NCR3LG1: variants seen among roughly 807,000 people sequenced by gnomAD.
The protein encoded by NCR3LG1 is natural cytotoxicity triggering receptor 3 ligand 1.
A neutral mutation model predicts 34.8 loss-of-function variants in NCR3LG1; 35 were observed. The observed-to-expected ratio is 1.01, with a 90% CI of 0.77 to 1.33. The LOEUF (loss-of-function observed/expected upper bound fraction) is 1.33, where lower values mean the gene tolerates loss of function less well. Among genes scored for constraint, NCR3LG1 ranks in the 40% most tolerant of loss-of-function variants. The pLI, the probability that NCR3LG1 is intolerant of heterozygous loss-of-function variation, is 0.00. For synonymous variants in NCR3LG1, 173 were observed against 163.6 expected (o/e 1.06, Z -0.44); for missense variants, 452 against 423.3 (o/e 1.07, Z -0.60).
At chr11:17,370,410 G>C (rs1467534031) in intron 4 of NCR3LG1, among the ~76,000 whole-genome samples, 7 of 152,214 alleles carry the variant, frequency 4.6e-5, no homozygotes, top group Non-Finnish European at 1.0e-4. Context: ...GGAAGGGTGA[G>C]TAGGAGCGGA....
chr11:17,356,021 G>A lies in NCR3LG1; in HGVS notation c.71-630G>A, dbSNP rs549537065. On this transcript the variant is annotated intron_variant, in intron 1 of 4. Transcript: ENST00000338965. ...CCATTATATTGCCTAGTCTGGTCTGGAACACCTGGGCTCAAACGATCCTCT... is the reference window on the plus strand; with the variant it reads ...CCATTATATTGCCTAGTCTGGTCTGAAACACCTGGGCTCAAACGATCCTCT... 2.0e-5 allele frequency among the ~76,000 whole-genome samples: 3 copies of A among 152,066 alleles called. No homozygotes were observed. The East Asian group carries it at 5.8e-4, about 29-fold the overall frequency.
At chr11:17,365,784 G>A (rs1953338830) in intron 2 of NCR3LG1, among the ~76,000 whole-genome samples, 1 of 152,182 alleles carries the variant, frequency 6.6e-6, no homozygotes, top group East Asian at 1.9e-4. Flanking sequence ...AGTGTGGTAA[G>A]CATCCCTAAG....
At position 17,352,020 on chromosome 11, in the gene NCR3LG1, G is replaced by C. The variant is rs750374539; in HGVS notation, c.51G>C (p.Leu17=). Reference sequence around the variant, plus strand: ...CGTGCGCGGCGCTCCTGATTCTGCTGTGGGCGCTGACGACCGAAGGTAGGG... The same window carrying C: ...CGTGCGCGGCGCTCCTGATTCTGCTCTGGGCGCTGACGACCGAAGGTAGGG... ...ASTCAALLIL[L]WALTTEGDLK... Residue 17 remains leucine (L), a synonymous_variant, in exon 1 of 5, where the codon CTG becomes CTC. Transcript: ENST00000338965. The C allele has an allele frequency of 2.0e-6, 3 of 1,520,214 alleles. No homozygotes were observed. The highest frequency in any genetic ancestry group is 2.4e-5 in the South Asian group (2 of 83,480). The allele number at this position is 1,520,214 out of a possible 1,614,324, so 94.2% of individuals were successfully genotyped here. A position where few individuals can be genotyped will look rare whatever the true frequency, so the allele number is the denominator to read the frequency against.
intron 1 of NCR3LG1, among the ~76,000 whole-genome samples, chr11:17,354,545 C>CTTTTTTTTTTTTTTTTT (rs71047545): frequency 1.4e-5 from 1 of 70,294 alleles, no homozygotes; most frequent in African/African-American, 3.8e-5. Flanking sequence ...AATTCTTCTT[C>CTTTTTTTTTTTTTTTTT]TTTTTTTTTT....
intron 1 of NCR3LG1, among the ~76,000 whole-genome samples, chr11:17,354,265 C>A (rs1008992875): frequency 7.9e-5 from 12 of 152,214 alleles, no homozygotes; most frequent in Non-Finnish European, 1.6e-4. Context: ...AACAAGACTG[C>A]AGAAAATTCC....
chr11:17,357,433 A>G (rs1565501750), intron 2 of NCR3LG1, among the ~76,000 whole-genome samples: 1 of 152,136 alleles, frequency 6.6e-6, no homozygotes, highest in Non-Finnish European at 1.5e-5. Flanking sequence ...TAAAGAACCT[A>G]TCTCTAAATA....
In NCR3LG1 at chr11:17,376,820, G is replaced by A. The variant is rs1025214556; in HGVS notation, c.*4308G>A. 6.6e-6 allele frequency: 1 copy of A among 152,156 alleles called. No homozygotes were observed. The highest frequency in any genetic ancestry group is 2.4e-5 in the African/African-American group (1 of 41,430). The allele number at this position is 152,156 out of a possible 1,614,324, so 9.4% of individuals were successfully genotyped here. On this transcript the variant is annotated 3_prime_UTR_variant, in exon 5 of 5. Coordinates refer to ENST00000338965, the MANE Select transcript of NCR3LG1 (RefSeq NM_001202439.3). The stretch of plus-strand genomic sequence containing the variant: ...TCTCAAATATTATAACACCATACTT[G>A]TAATTGCTGAAAGCTCGGAAGTTTG...
At chr11:17,367,473 G>A (rs1953359106) in intron 3 of NCR3LG1, 126 bp downstream of exon 3, 4 of 810,626 alleles carry the variant, frequency 4.9e-6, no homozygotes, top group Non-Finnish European at 7.6e-6. Context: ...TGGACTGGAA[G>A]GACCAAGCTG....
chr11:17,371,994 C>T lies in NCR3LG1; in HGVS notation c.859-12C>T. The T allele has an allele frequency of 1.4e-6, 1 of 693,982 alleles. No homozygotes were observed. Among genetic ancestry groups the T allele is most frequent in the South Asian group, 1.5e-5 (1 of 66,942 alleles). 43.0% of individuals were successfully genotyped at this position (693,982 alleles called of 1,614,324 possible). ...GAGACTAAGGGATGCCTTTTCTCTC[C>T]TCTTTTTCTAGATATGTAACAAATC... On this transcript the variant is annotated splice_polypyrimidine_tract_variant and intron_variant, in intron 4 of 4. Transcript: ENST00000338965.
At chr11:17,364,637 C>G (rs970924461) in intron 2 of NCR3LG1, among the ~76,000 whole-genome samples, 1 of 152,046 alleles carries the variant, frequency 6.6e-6, no homozygotes, top group African/African-American at 2.4e-5. Flanking sequence ...ACCTCCGCCT[C>G]CTGGGTTCAA....
intron 4 of NCR3LG1, among the ~76,000 whole-genome samples, 174 bp from the exon 5 acceptor site, chr11:17,371,832 T>C (rs1476478135): frequency 6.6e-6 from 1 of 152,156 alleles, no homozygotes. Flanking sequence ...TCCGGATTCA[T>C]GGGTGAAGGT....
At chr11:17,352,284 C>A (rs1182594286) in intron 1 of NCR3LG1, among the ~76,000 whole-genome samples, 1 of 149,882 alleles carries the variant, frequency 6.7e-6, no homozygotes, top group Non-Finnish European at 1.5e-5. Flanking sequence ...AGGTTCACGC[C>A]ATTCTCCTGC....
chr11:17,354,036 A>C (rs1445103919), intron 1 of NCR3LG1, among the ~76,000 whole-genome samples: 2 of 152,260 alleles, frequency 1.3e-5, no homozygotes, highest in Non-Finnish European at 2.9e-5. Flanking sequence ...AAGAGATTCT[A>C]GCCCGTCTTT....
intron 2 of NCR3LG1, among the ~76,000 whole-genome samples, chr11:17,360,912 T>A (rs973685896): frequency 6.6e-6 from 1 of 152,138 alleles, no homozygotes; most frequent in Non-Finnish European, 1.5e-5. Context: ...AATTTTTGTA[T>A]TTTTGTAGAG....
chr11:17,353,553 C>T (rs1044826171), intron 1 of NCR3LG1, among the ~76,000 whole-genome samples: 1 of 152,222 alleles, frequency 6.6e-6, no homozygotes, highest in Non-Finnish European at 1.5e-5. Flanking sequence ...CCCGCGCCCC[C>T]TCCCGGGCCC....
At chr11:17,378,710 CCAGT>C (rs1369660272), downstream of NCR3LG1, among the ~76,000 whole-genome samples, 1 of 152,136 alleles carries the variant, frequency 6.6e-6, no homozygotes, top group Non-Finnish European at 1.5e-5. Flanking sequence ...AAGGAAGAAA[CCAGT>C]CAGACAGGCA....
chr11:17,357,046 G>A, intron 2 of NCR3LG1, 45 bp downstream of exon 2: 1 of 1,321,598 alleles, frequency 7.6e-7, no homozygotes, highest in Non-Finnish European at 1.0e-6. Flanking sequence ...TGGTGTTGGG[G>A]TTAGCAACAA....
Position 17,356,848 on chromosome 11 carries a change from C to G in NCR3LG1, c.268C>G (p.Arg90Gly). ...EFFGDHQEAF[R>G]PGAIVSPWRL... is the part of the protein sequence containing the mutation. Reference sequence around the variant, plus strand: ...TTTTGGAGATCACCAAGAGGCATTCCGACCTGGAGCCATTGTGTCTCCATG... The same window carrying G: ...TTTTGGAGATCACCAAGAGGCATTCGGACCTGGAGCCATTGTGTCTCCATG... The change falls in exon 2 of 5, where the codon CGA (arginine) becomes GGA (glycine). Residue 90 changes from arginine (R) to glycine (G), a missense_variant. Transcript: ENST00000338965. The G allele has an allele frequency of 6.5e-7, 1 of 1,536,134 alleles. No homozygotes were observed. Among genetic ancestry groups the G allele is most frequent in the Admixed American group, 2.0e-5 (1 of 51,004 alleles).
At chr11:17,357,380 A>C (rs1953222734) in intron 2 of NCR3LG1, among the ~76,000 whole-genome samples, 2 of 152,198 alleles carry the variant, frequency 1.3e-5, no homozygotes, top group South Asian at 4.1e-4. Flanking sequence ...ATATTGGATC[A>C]GAGCCCATCC....
Sources: gnomAD v4.1 joint callset for allele counts (sites outside exome capture counted in the v4.1 genomes callset) on GRCh38, gnomAD v4.1.1 for gene constraint, MANE v1.5 for transcripts, NCBI Gene and HGNC (gene_info 2026-07-23, HGNC 2026-07-21) for gene names.